Variants in PIAS2 observed in about 807,000 individuals in gnomAD.
The protein encoded by PIAS2 is E3 SUMO-protein ligase PIAS2.
PIAS2 carries 19 observed loss-of-function variants against 69.7 expected under a neutral mutation model. That is an observed-to-expected ratio of 0.27 (90% confidence interval 0.19 to 0.40). The LOEUF (loss-of-function observed/expected upper bound fraction) is 0.40, where lower values mean the gene tolerates loss of function less well. Ranked by LOEUF, PIAS2 falls within the 10% of genes least tolerant of loss-of-function variation. The pLI, the probability that PIAS2 is intolerant of heterozygous loss-of-function variation, is 1.00. For synonymous variants in PIAS2, 261 were observed against 263.2 expected (o/e 0.99, Z 0.08); for missense variants, 624 against 757.0 (o/e 0.82, Z 2.06).
intron 2 of PIAS2, among the ~76,000 whole-genome samples, chr18:46,875,607 TATC>T (rs1337877994): frequency 6.6e-6 from 1 of 152,060 alleles, no homozygotes; most frequent in Non-Finnish European, 1.5e-5. Flanking sequence ...TCCCCAAACA[TATC>T]ATGCCCAGCA....
rs745529433 is a variant in PIAS2, at chr18:46,890,810, G to A, written c.269C>T (p.Ser90Leu). Residue 90 changes from serine to leucine, a missense_variant, in exon 2 of 14, where the codon TCA (serine) becomes TTA (leucine). Ser to Leu is a moderately radical substitution (Grantham distance 145). Around this residue, in one of 3 missense-constraint regions of PIAS2, gnomAD observed 339 missense variants for 408.8 expected, o/e 0.83. Transcript: ENST00000585916. The part of the protein sequence containing the change: ...SSVFSLDGGS[S>L]PVEPDLAVAG... ...CACGGCCAAGTCAGGTTCTACAGGT[G>A]ATGAGCCACCATCCAAACTGAAAAC... The A allele has an allele frequency of 4.3e-6, 7 of 1,614,166 alleles. No homozygotes were observed. In the Admixed American group the frequency reaches 5.0e-5, roughly 12 times the overall value.
chr18:46,882,376 G>C (rs1362466651), intron 2 of PIAS2, among the ~76,000 whole-genome samples: 1 of 152,068 alleles, frequency 6.6e-6, no homozygotes, highest in Non-Finnish European at 1.5e-5. Flanking sequence ...ATACAATGCT[G>C]ATGAGTGTAT....
chr18:46,828,241 G>A (rs747993753), intron 10 of PIAS2, 111 bp from the exon 11 acceptor site: 1 of 901,968 alleles, frequency 1.1e-6, no homozygotes, highest in Non-Finnish European at 1.6e-6. Context: ...CATATAGCCA[G>A]TGAAGCCACA....
At chr18:46,905,527 A>C (rs1446046294) in intron 1 of PIAS2, among the ~76,000 whole-genome samples, 1 of 152,120 alleles carries the variant, frequency 6.6e-6, no homozygotes, top group African/African-American at 2.4e-5. Flanking sequence ...AAGAGCATAA[A>C]CAATATCAAA....
chr18:46,841,423 CA>C (rs2145185598), intron 8 of PIAS2, among the ~76,000 whole-genome samples: 1 of 152,128 alleles, frequency 6.6e-6, no homozygotes, highest in East Asian at 1.9e-4. Flanking sequence ...ATTACTGCAC[CA>C]GATCCCATGT....
chr18:46,858,439 G>A (rs187519931), intron 3 of PIAS2, among the ~76,000 whole-genome samples: 9 of 152,316 alleles, frequency 5.9e-5, no homozygotes, highest in East Asian at 1.9e-4. Flanking sequence ...GAAGCTGGGC[G>A]CAGTGGCTCA....
intron 3 of PIAS2, among the ~76,000 whole-genome samples, chr18:46,862,716 T>C (rs1035874396): frequency 3.9e-5 from 6 of 152,102 alleles, no homozygotes; most frequent in Non-Finnish European, 8.8e-5. Context: ...TATGTATATA[T>C]TCTTTTGAGA....
intron 5 of PIAS2, 38 bp from the exon 6 acceptor site, chr18:46,846,879 T>A: frequency 6.6e-7 from 1 of 1,516,092 alleles, no homozygotes; most frequent in Non-Finnish European, 8.8e-7. Flanking sequence ...TCAAATCATC[T>A]GCAGGAAGAT....
chr18:46,824,791 T>A (rs1180341704), intron 11 of PIAS2, among the ~76,000 whole-genome samples: 2 of 150,492 alleles, frequency 1.3e-5, no homozygotes, highest in Non-Finnish European at 2.9e-5. Flanking sequence ...TGGCTTGAGC[T>A]CAGGAGTTCG....
intron 12 of PIAS2, chr18:46,817,715 C>T: frequency 1.1e-6 from 1 of 943,774 alleles, no homozygotes; most frequent in East Asian, 1.2e-4. Flanking sequence ...CTATATAAAA[C>T]CTGTTTAATG....
intron 2 of PIAS2, among the ~76,000 whole-genome samples, chr18:46,871,665 T>C (rs1297257024): frequency 6.6e-6 from 1 of 152,206 alleles, no homozygotes; most frequent in Non-Finnish European, 1.5e-5. Flanking sequence ...AGCTCGTTCC[T>C]GTTTGTTTCC....
chr18:46,879,458 G>A (rs1476980432), intron 2 of PIAS2, among the ~76,000 whole-genome samples: 4 of 152,168 alleles, frequency 2.6e-5, no homozygotes, highest in African/African-American at 9.7e-5. Flanking sequence ...ACTGCTGGTG[G>A]GGAATGTAAA....
At chr18:46,843,312 A>G (rs11874267) in intron 8 of PIAS2, among the ~76,000 whole-genome samples, 11,758 of 152,248 alleles carry the variant, frequency 0.077, 493 homozygotes, top group African/African-American at 0.1. Flanking sequence ...GTCATCAAAT[A>G]CCCACAAAAC....
chr18:46,808,346 C>T lies in PIAS2; in HGVS notation c.*4087G>A, dbSNP rs2040811422. 6.6e-6 allele frequency: 1 copy of T among 152,162 alleles called. No homozygotes were observed. The highest frequency in any genetic ancestry group is 2.4e-5 in the African/African-American group (1 of 41,438). 9.4% of individuals were successfully genotyped at this position (152,162 alleles called of 1,614,324 possible). On this transcript the variant is annotated 3_prime_UTR_variant, in exon 14 of 14. Coordinates refer to ENST00000585916, the MANE Select transcript of PIAS2 (RefSeq NM_004671.5). ...AATTTTCCACAATAAGCATGTACTA[C>T]TGACATAAACAGAAAAAACAAACAT...
intron 1 of PIAS2, among the ~76,000 whole-genome samples, chr18:46,895,913 CT>C (rs1345287160): frequency 2.0e-5 from 3 of 151,972 alleles, no homozygotes; most frequent in Non-Finnish European, 4.4e-5. Flanking sequence ...ATTTGAGAGA[CT>C]AATGGGTTTC....
intron 1 of PIAS2, among the ~76,000 whole-genome samples, chr18:46,913,045 G>A (rs1368430677): frequency 1.3e-5 from 2 of 152,156 alleles, no homozygotes; most frequent in Admixed American, 1.3e-4. Context: ...ATGAGCTCAG[G>A]TGAAGCCTTG....
intron 1 of PIAS2, chr18:46,901,274 T>C (rs1372449317): frequency 2.4e-6 from 1 of 412,618 alleles, no homozygotes; most frequent in African/African-American, 2.1e-5. Context: ...AAATTAGCCA[T>C]GGCACATGCC....
At chr18:46,847,061 A>T (rs1405723597) in intron 5 of PIAS2, among the ~76,000 whole-genome samples, 1 of 152,226 alleles carries the variant, frequency 6.6e-6, no homozygotes, top group Admixed American at 6.5e-5. Context: ...TAGGAAAAAA[A>T]TCCATGTTCC....
rs892094950 is a variant in PIAS2, at chr18:46,805,459, A to G, written c.*6974T>C. 1.3e-5 allele frequency: 2 copies of G among 152,264 alleles called. No homozygotes were observed. The highest frequency in any genetic ancestry group is 2.9e-5 in the Non-Finnish European group (2 of 68,060). 9.4% of individuals were successfully genotyped at this position (152,264 alleles called of 1,614,324 possible). ...TCAAAGGGAATGATCAGGCAGTTAT[A>G]AGACTAGAGGTAGCTGATAGTATAA... On this transcript the variant is annotated 3_prime_UTR_variant, in exon 14 of 14. Transcript: ENST00000585916.
Sources: gnomAD v4.1 joint callset for allele counts (sites outside exome capture counted in the v4.1 genomes callset) on GRCh38, gnomAD v4.1.1 for gene constraint, gnomAD v4.1.1 regional missense constraint, MANE v1.5 for transcripts, NCBI Gene and HGNC (gene_info 2026-07-23, HGNC 2026-07-21) for gene names.